The following FRY variants were observed in gnomAD, a reference collection of about 807,000 sequenced individuals.
FRY encodes the protein FRY microtubule binding protein, also known as protein furry homolog.
In FRY, 128 loss-of-function variants were observed where a neutral mutation model predicts 348.4. The observed-to-expected ratio is 0.37, with a 90% CI of 0.32 to 0.43. FRY has a LOEUF of 0.43. FRY is among the 20% of genes least tolerant of loss of function. The probability of loss-of-function intolerance (pLI) is 1.00; values close to 1 mark genes in which losing one functional copy is unlikely to be tolerated. For synonymous variants in FRY, 1,370 were observed against 1,374.7 expected, an observed-to-expected ratio of 1.00 and a Z score of 0.08; for missense variants, 2,736 against 3,695.2, an observed-to-expected ratio of 0.74 and a Z score of 6.73.
rs199694002 is a variant in FRY, at chr13:32,202,335, T to A, written c.3847-21T>A. The A allele has an allele frequency of 3.1e-6, 5 of 1,600,716 alleles. No individual in the cohort carries two copies. The African/African-American group carries it at 5.4e-5, about 17-fold the overall frequency. The stretch of plus-strand genomic sequence containing the variant: ...GCTAATGCTTTTCATACTACTTTTT[T>A]ACTTTCCTACATCTTTATAGATCCT... On this transcript the variant is annotated intron_variant, in intron 30 of 60. Coordinates refer to ENST00000542859, the MANE Select transcript of FRY (RefSeq NM_023037.3).
chr13:32,274,478 C>CA (rs1888387594), intron 55 of FRY, among the ~76,000 whole-genome samples: 1 of 150,618 alleles, frequency 6.6e-6, no homozygotes, highest in South Asian at 2.1e-4. Flanking sequence ...GAGGCCGAGG[C>CA]GGGCGGATCA....
chr13:32,163,638 C>G (rs575970744), intron 17 of FRY, among the ~76,000 whole-genome samples: 1 of 152,264 alleles, frequency 6.6e-6, no homozygotes, highest in Non-Finnish European at 1.5e-5. Flanking sequence ...GAATGGCATG[C>G]AGTGTTCTCT....
At chr13:32,081,590 G>C (rs1431127034) in intron 2 of FRY, among the ~76,000 whole-genome samples, 2 of 152,186 alleles carry the variant, frequency 1.3e-5, no homozygotes, top group African/African-American at 4.8e-5. Context: ...CTCCCAAAGT[G>C]CTGGGATTAC....
chr13:32,173,285 C>A, intron 18 of FRY, 82 bp from the exon 19 acceptor site: 1 of 1,096,112 alleles, frequency 9.1e-7, no homozygotes, highest in Non-Finnish European at 1.4e-6. Context: ...GTCAAATGTG[C>A]AAAAAATATG....
chr13:32,294,039 A>G (rs1013758570), intron 59 of FRY, among the ~76,000 whole-genome samples: 2 of 152,240 alleles, frequency 1.3e-5, no homozygotes, highest in African/African-American at 4.8e-5. Flanking sequence ...ATTTGAACCC[A>G]GATCTACTCA....
rs568493319 is a variant in FRY at position 32,274,502 on chromosome 13, A to G, written c.8137-340A>G. On this transcript the variant is annotated intron_variant, in intron 55 of 60. Coordinates refer to ENST00000542859, the MANE Select transcript of FRY (RefSeq NM_023037.3). ...GCGGGCGGATCACAAGGTCAGATCG[A>G]GACCATCCTGGCTAACACAGTGAAA... is the stretch of plus-strand genomic sequence containing the variant. Among the ~76,000 whole-genome samples the G allele has an allele frequency of 4.5e-3, 683 of 150,564 alleles. 3 individuals are homozygous for G. Among genetic ancestry groups the G allele is most frequent in the African/African-American group, 0.016 (643 of 40,568 alleles).
chr13:32,230,263 C>T (rs557691778), intron 40 of FRY, among the ~76,000 whole-genome samples: 24 of 152,276 alleles, frequency 1.6e-4, no homozygotes, highest in Middle Eastern at 3.4e-3. Context: ...TTATTCTCCC[C>T]AATGTGTCCA....
intron 7 of FRY, among the ~76,000 whole-genome samples, chr13:32,127,555 A>G (rs1593643972): frequency 6.6e-6 from 1 of 152,188 alleles, no homozygotes; most frequent in East Asian, 1.9e-4. Flanking sequence ...AGGTGGGCGG[A>G]TCACAAGGCC....
chr13:32,236,217 A>C (rs887945836), intron 43 of FRY, 45 bp downstream of exon 43: 18 of 1,333,108 alleles, frequency 1.4e-5, no homozygotes, highest in Non-Finnish European at 1.8e-5. Flanking sequence ...TATACTGCAC[A>C]GGAGTATTTG....
At chr13:32,076,256 G>T (rs939873481) in intron 1 of FRY, among the ~76,000 whole-genome samples, 1 of 152,128 alleles carries the variant, frequency 6.6e-6, no homozygotes, top group African/African-American at 2.4e-5. Context: ...CCCAATTATT[G>T]CTGTCATCTA....
At chr13:32,093,385 C>T (rs532942061) in intron 2 of FRY, among the ~76,000 whole-genome samples, 1 of 152,246 alleles carries the variant, frequency 6.6e-6, no homozygotes, top group Non-Finnish European at 1.5e-5. Flanking sequence ...TCAACAGACT[C>T]CCCCTCCATT....
At chr13:32,075,660 TAACTC>T (rs1156962154) in intron 1 of FRY, among the ~76,000 whole-genome samples, 1 of 152,238 alleles carries the variant, frequency 6.6e-6, no homozygotes, top group Non-Finnish European at 1.5e-5. Flanking sequence ...TGTCACCAAA[TAACTC>T]AAGTATTGAA....
chr13:32,076,812 G>C (rs1477554511), intron 1 of FRY, among the ~76,000 whole-genome samples: 1 of 152,046 alleles, frequency 6.6e-6, no homozygotes. Flanking sequence ...GATATAGCTA[G>C]AAGAGTATAT....
intron 2 of FRY, among the ~76,000 whole-genome samples, chr13:32,096,104 T>C (rs1593607227): frequency 1.3e-5 from 2 of 152,108 alleles, no homozygotes; most frequent in African/African-American, 4.8e-5. Flanking sequence ...TCTCCCTTTC[T>C]TCCTTTCATC....
At chr13:32,103,404 G>A (rs1239294729) in intron 3 of FRY, among the ~76,000 whole-genome samples, 1 of 152,102 alleles carries the variant, frequency 6.6e-6, no homozygotes, top group African/African-American at 2.4e-5. Context: ...ACTATCACAA[G>A]GACAAAAAAC....
At chr13:32,289,233 A>T (rs1164230433) in intron 58 of FRY, among the ~76,000 whole-genome samples, 1 of 152,206 alleles carries the variant, frequency 6.6e-6, no homozygotes, top group Non-Finnish European at 1.5e-5. Flanking sequence ...AACACCTAGA[A>T]CTACTTAATG....
At position 32,294,357 on chromosome 13, in the gene FRY, T is replaced by C; in HGVS notation, c.8581-11T>C. 1 of 1,604,042 alleles carries C rather than the reference T, an allele frequency of 6.2e-7. No homozygotes were observed. Among genetic ancestry groups the C allele is most frequent in the Non-Finnish European group, 8.5e-7 (1 of 1,171,148 alleles). Reference sequence around the variant, plus strand: ...CTAAATATAGTTTAAAAAACATTTTTTTTTAAATAGCTGCTGAATATGTCC... The same window carrying C: ...CTAAATATAGTTTAAAAAACATTTTCTTTTAAATAGCTGCTGAATATGTCC... On this transcript the variant is annotated splice_polypyrimidine_tract_variant and intron_variant, in intron 59 of 60. Coordinates refer to ENST00000542859, the MANE Select transcript of FRY (RefSeq NM_023037.3).
At chr13:32,184,746 T>C in intron 25 of FRY, 55 bp downstream of exon 25, 4 of 1,109,508 alleles carry the variant, frequency 3.6e-6, no homozygotes, top group Non-Finnish European at 2.8e-6. Context: ...ATCTTTTTGT[T>C]TTCTTTCTGT....
intron 2 of FRY, among the ~76,000 whole-genome samples, chr13:32,088,152 C>G (rs1401941704): frequency 6.6e-6 from 1 of 152,190 alleles, no homozygotes; most frequent in Non-Finnish European, 1.5e-5. Context: ...GGATAATCAG[C>G]TAGTCTTGTT....
Sources: gnomAD v4.1 joint callset for allele counts (sites outside exome capture counted in the v4.1 genomes callset) on GRCh38, gnomAD v4.1.1 for gene constraint, MANE v1.5 for transcripts, NCBI Gene and HGNC (gene_info 2026-07-23, HGNC 2026-07-21) for gene names.